Variants in NEGR1 observed in about 807,000 individuals in gnomAD.
NEGR1 encodes neuronal growth regulator 1.
NEGR1 carries 10 observed loss-of-function variants against 40.9 expected under a neutral mutation model. The observed-to-expected ratio is 0.24, with a 90% confidence interval of 0.15 to 0.42. NEGR1 has a LOEUF of 0.42. Among genes scored for constraint, NEGR1 ranks in the 10% least tolerant of loss-of-function variants. The pLI is 1.00. For synonymous variants in NEGR1, 185 were observed against 166.8 expected (o/e 1.11, Z -0.84); for missense variants, 352 against 438.9 (o/e 0.80, Z 1.77).
intron 1 of NEGR1, among the ~76,000 whole-genome samples, chr1:72,102,719 C>T (rs966831206): frequency 6.6e-6 from 1 of 152,016 alleles, no homozygotes; most frequent in Non-Finnish European, 1.5e-5. Context: ...CACATTTTTA[C>T]ATTCATATTT....
intron 1 of NEGR1, among the ~76,000 whole-genome samples, chr1:72,235,905 G>C (rs1654529668): frequency 6.6e-6 from 1 of 151,970 alleles, no homozygotes; most frequent in Non-Finnish European, 1.5e-5. Flanking sequence ...TTATGAAAGT[G>C]AATTTTTTAA....
At chr1:71,828,196 T>A (rs1658710143) in intron 2 of NEGR1, among the ~76,000 whole-genome samples, 2 of 151,970 alleles carry the variant, frequency 1.3e-5, no homozygotes, top group Admixed American at 1.3e-4. Flanking sequence ...TTACCTCTCT[T>A]ATTCTGCAAT....
chr1:71,524,470 A>T (rs12070198), intron 6 of NEGR1, among the ~76,000 whole-genome samples: 57 of 151,808 alleles, frequency 3.8e-4, no homozygotes, highest in African/African-American at 1.3e-3. Flanking sequence ...GCTTATAAAC[A>T]TTTACTATAA....
intron 6 of NEGR1, among the ~76,000 whole-genome samples, chr1:71,549,680 C>G (rs556968500): frequency 6.6e-6 from 1 of 151,728 alleles, no homozygotes; most frequent in South Asian, 2.1e-4. Flanking sequence ...ACCCAAAGCC[C>G]CATGCTCTTA....
chr1:71,817,617 G>A (rs1203620107), intron 2 of NEGR1, among the ~76,000 whole-genome samples: 1 of 151,672 alleles, frequency 6.6e-6, no homozygotes, highest in East Asian at 1.9e-4. Context: ...CCACCTGCAG[G>A]CAATGATGAC....
chr1:72,001,177 T>C (rs1300852291), intron 1 of NEGR1, among the ~76,000 whole-genome samples: 1 of 152,074 alleles, frequency 6.6e-6, no homozygotes, highest in Non-Finnish European at 1.5e-5. Context: ...TTATAAAAGC[T>C]TCTGTATTCA....
At chr1:71,461,073 T>C (rs985334603) in intron 6 of NEGR1, among the ~76,000 whole-genome samples, 4 of 152,170 alleles carry the variant, frequency 2.6e-5, no homozygotes, top group Non-Finnish European at 2.9e-5. Flanking sequence ...TTCTTTATTA[T>C]TGAAAAACTG....
intron 3 of NEGR1, among the ~76,000 whole-genome samples, chr1:71,757,543 CTT>C (rs1655785237): frequency 6.6e-6 from 1 of 152,016 alleles, no homozygotes; most frequent in Non-Finnish European, 1.5e-5. Flanking sequence ...GTGAAAGACT[CTT>C]TTCTTTTGTT....
intron 4 of NEGR1, among the ~76,000 whole-genome samples, chr1:71,630,262 G>A (rs572602439): frequency 3.3e-5 from 5 of 151,898 alleles, no homozygotes; most frequent in Non-Finnish European, 7.4e-5. Context: ...TACTCTGTGT[G>A]TACTGGGCCT....
At chr1:71,442,266 G>A (rs997241464) in intron 6 of NEGR1, among the ~76,000 whole-genome samples, 51 of 38,868 alleles carry the variant, frequency 1.3e-3, no homozygotes, top group Non-Finnish European at 6.1e-4. Flanking sequence ...GATTTCAAAT[G>A]TTTCTTCTTT....
chr1:71,545,213 AG>A (rs1298634184), intron 6 of NEGR1, among the ~76,000 whole-genome samples: 1 of 151,796 alleles, frequency 6.6e-6, no homozygotes, highest in East Asian at 2.0e-4. Context: ...CTAGAGAACA[AG>A]TCCCATATTT....
intron 1 of NEGR1, among the ~76,000 whole-genome samples, chr1:71,969,315 T>C (rs1646237112): frequency 6.6e-6 from 1 of 152,156 alleles, no homozygotes; most frequent in African/African-American, 2.4e-5. Flanking sequence ...ATGCCCAGCC[T>C]AACCCCTACA....
intron 1 of NEGR1, among the ~76,000 whole-genome samples, chr1:72,047,430 A>G (rs1647012653): frequency 6.6e-6 from 1 of 151,488 alleles, no homozygotes; most frequent in South Asian, 2.1e-4. Context: ...TACTTAATAC[A>G]GGGTATTTAA....
intron 6 of NEGR1, among the ~76,000 whole-genome samples, chr1:71,556,042 T>C (rs1278221801): frequency 4.0e-5 from 6 of 151,398 alleles, no homozygotes; most frequent in Non-Finnish European, 1.5e-5. Flanking sequence ...TAAAGGATGG[T>C]ATGAACTTCT....
At chr1:71,679,303 A>G (rs1652750733) in intron 4 of NEGR1, among the ~76,000 whole-genome samples, 1 of 152,262 alleles carries the variant, frequency 6.6e-6, no homozygotes, top group Admixed American at 6.5e-5. Context: ...ATGAAATTGT[A>G]TTTAATTCAC....
intron 1 of NEGR1, among the ~76,000 whole-genome samples, chr1:72,279,572 C>T (rs946605429): frequency 6.6e-6 from 1 of 152,104 alleles, no homozygotes; most frequent in African/African-American, 2.4e-5. Flanking sequence ...GGGACAAGGG[C>T]ATATGTTTGA....
At chr1:71,927,817 C>CAAA (rs1645789474) in intron 2 of NEGR1, among the ~76,000 whole-genome samples, 1 of 33,298 alleles carries the variant, frequency 3.0e-5, no homozygotes, top group South Asian at 1.4e-3. Flanking sequence ...GACCCAATCT[C>CAAA]TAAAAAAAAA....
chr1:71,994,790 T>C (rs566368872), intron 1 of NEGR1, among the ~76,000 whole-genome samples: 23 of 152,086 alleles, frequency 1.5e-4, no homozygotes, highest in Non-Finnish European at 2.9e-4. Flanking sequence ...AACCATGATA[T>C]TACTTTGTGA....
chr1:72,095,504 T>A (rs943018293), intron 1 of NEGR1, among the ~76,000 whole-genome samples: 10 of 152,116 alleles, frequency 6.6e-5, no homozygotes, highest in Non-Finnish European at 1.2e-4. Flanking sequence ...ATATTAATTA[T>A]GAATCCCCTG....
Sources: gnomAD v4.1 joint callset for allele counts (sites outside exome capture counted in the v4.1 genomes callset) on GRCh38, gnomAD v4.1.1 for gene constraint, MANE v1.5 for transcripts, NCBI Gene and HGNC (gene_info 2026-07-23, HGNC 2026-07-21) for gene names.